Variants in PALD1 observed in about 807,000 individuals in gnomAD.
The protein encoded by PALD1 is phosphatase domain containing paladin 1, also known as paladin.
In PALD1, 57 loss-of-function variants were observed where a neutral mutation model predicts 96.0. The ratio of observed to expected loss-of-function variants is 0.59; its 90% confidence interval spans 0.48 to 0.74. The LOEUF (loss-of-function observed/expected upper bound fraction) is 0.74. Among genes scored for constraint, PALD1 ranks in the 30% least tolerant of loss-of-function variants. The pLI is 0.00. For missense variants in PALD1, 1,063 were observed against 1,143.7 expected (o/e 0.93, Z 1.02); for synonymous variants, 464 against 473.6 (o/e 0.98, Z 0.26).
chr10:70,504,064 C>T (rs1395486348), intron 1 of PALD1, among the ~76,000 whole-genome samples: 1 of 152,198 alleles, frequency 6.6e-6, no homozygotes, highest in Non-Finnish European at 1.5e-5. Context: ...GTGTCTGCAC[C>T]TGCAAAAATG....
intron 1 of PALD1, among the ~76,000 whole-genome samples, chr10:70,499,491 G>T (rs1846255007): frequency 6.6e-6 from 1 of 152,218 alleles, no homozygotes; most frequent in African/African-American, 2.4e-5. Context: ...GCTTGGCCTG[G>T]GGTGGCCACA....
intron 3 of PALD1, 89 bp downstream of exon 3, chr10:70,529,420 C>T: frequency 1.5e-6 from 1 of 673,574 alleles, no homozygotes. Flanking sequence ...TCTGGCCCTC[C>T]CCAACTTTCC....
At position 70,486,676 on chromosome 10, in the gene PALD1, G is replaced by C. The variant is rs567159374; in HGVS notation, c.-30+7617G>C. Among the ~76,000 whole-genome samples, 108 of 152,256 alleles carry C rather than the reference G, an allele frequency of 7.1e-4. 1 individual carries two copies. The highest frequency in any genetic ancestry group is 2.5e-3 in the African/African-American group (104 of 41,550). On this transcript the variant is annotated intron_variant, in intron 1 of 19. Transcript: ENST00000263563. Reference sequence around the variant, plus strand: ...CTCAGGAGGCTGAGACTGGAGAATAGCTTGAACCCAGGAGGCAGAGGTTGC... The same window carrying C: ...CTCAGGAGGCTGAGACTGGAGAATACCTTGAACCCAGGAGGCAGAGGTTGC...
intron 18 of PALD1, among the ~76,000 whole-genome samples, chr10:70,552,818 G>A (rs572927546): frequency 6.6e-6 from 1 of 152,300 alleles, no homozygotes; most frequent in South Asian, 2.1e-4. Flanking sequence ...GCTGGATCAG[G>A]ATCCAAACAA....
intron 1 of PALD1, among the ~76,000 whole-genome samples, chr10:70,502,031 G>T (rs1284194920): frequency 6.6e-6 from 1 of 152,072 alleles, no homozygotes; most frequent in Non-Finnish European, 1.5e-5. Flanking sequence ...AAGGACAGTG[G>T]CTCATGCCTG....
chr10:70,531,996 A>G (rs1161525018), intron 5 of PALD1, among the ~76,000 whole-genome samples: 2 of 149,658 alleles, frequency 1.3e-5, no homozygotes, highest in Non-Finnish European at 3.0e-5. Flanking sequence ...AAAAAAAAAG[A>G]AAAAGAAAAA....
chr10:70,561,426 A>G (rs1432693622), intron 18 of PALD1, among the ~76,000 whole-genome samples: 1 of 152,220 alleles, frequency 6.6e-6, no homozygotes, highest in African/African-American at 2.4e-5. Flanking sequence ...GGAAGGATAG[A>G]AGCAGCCTAA....
intron 1 of PALD1, among the ~76,000 whole-genome samples, chr10:70,507,452 T>G (rs1846414013): frequency 6.6e-6 from 1 of 152,042 alleles, no homozygotes; most frequent in Non-Finnish European, 1.5e-5. Flanking sequence ...AGAGACAGGG[T>G]CTTGCTCTGT....
intron 1 of PALD1, among the ~76,000 whole-genome samples, chr10:70,496,460 C>T (rs531603339): frequency 7.9e-5 from 12 of 152,230 alleles, no homozygotes; most frequent in Middle Eastern, 3.4e-3. Context: ...CTCTCCTGAC[C>T]GCCTTCCCAA....
chr10:70,468,327 T>C, the PALD1 span, among the ~76,000 whole-genome samples: 1 of 151,984 alleles, frequency 6.6e-6, no homozygotes, highest in Non-Finnish European at 1.5e-5. Flanking sequence ...CACTGCAACC[T>C]TCACCTCCCG....
At chr10:70,498,455 T>C (rs538277755) in intron 1 of PALD1, among the ~76,000 whole-genome samples, 1 of 152,258 alleles carries the variant, frequency 6.6e-6, no homozygotes, top group South Asian at 2.1e-4. Flanking sequence ...ATCTTTAAAA[T>C]TATTTTTTAT....
intron 1 of PALD1, among the ~76,000 whole-genome samples, chr10:70,488,174 T>G (rs1175459899): frequency 6.6e-6 from 1 of 152,174 alleles, no homozygotes; most frequent in Non-Finnish European, 1.5e-5. Context: ...CAGGCTGCAG[T>G]GAAGTGGCTC....
intron 18 of PALD1, among the ~76,000 whole-genome samples, chr10:70,560,595 G>A (rs1264437978): frequency 2.0e-5 from 3 of 151,776 alleles, no homozygotes; most frequent in East Asian, 1.9e-4. Flanking sequence ...AGACCCTGAC[G>A]CACGTGTTCT....
intron 2 of PALD1, among the ~76,000 whole-genome samples, chr10:70,527,862 T>C (rs1482308377): frequency 6.6e-6 from 1 of 152,194 alleles, no homozygotes; most frequent in Non-Finnish European, 1.5e-5. Context: ...ACATGTGCCA[T>C]GTTGGTGTGC....
chr10:70,531,249 G>A, intron 4 of PALD1, 41 bp from the exon 5 acceptor site: 2 of 1,579,610 alleles, frequency 1.3e-6, no homozygotes, highest in Non-Finnish European at 1.7e-6. Context: ...GTCTGTGCGG[G>A]ATCATGATGA....
Position 70,539,327 on chromosome 10 carries a change from C to A in PALD1, c.1725+80C>A. The stretch of plus-strand genomic sequence containing the variant: ...CTGGGAGGGTCTTCAGAAGGCCTCA[C>A]ACTCCCGCAGACAGATGGAGAATCT... On this transcript the variant is annotated intron_variant, in intron 14 of 19. Coordinates refer to ENST00000263563, the MANE Select transcript of PALD1 (RefSeq NM_014431.3). The surrounding 1 kb of genome is among the most constrained non-coding windows in gnomAD (Gnocchi z 4.5). 1.4e-6 allele frequency: 2 copies of A among 1,391,808 alleles called. No individual in the cohort carries two copies. The highest frequency in any genetic ancestry group is 2.5e-4 in the Middle Eastern group (1 of 3,986). The allele number at this position is 1,391,808 out of a possible 1,614,324, so 86.2% of individuals were successfully genotyped here.
chr10:70,528,522 G>A (rs1342092508), intron 2 of PALD1, among the ~76,000 whole-genome samples: 2 of 152,214 alleles, frequency 1.3e-5, no homozygotes, highest in African/African-American at 4.8e-5. Context: ...GGTGGGTGGA[G>A]TTGGGCTTCA....
Position 70,541,533 on chromosome 10 carries a change from A to T in PALD1, c.2120A>T (p.Gln707Leu), listed in dbSNP as rs764441178. Residue 707 changes from glutamine to leucine, a missense_variant and splice_region_variant, in exon 17 of 20, where the codon CAG (glutamine) becomes CTG (leucine). Physicochemically the swap from Gln to Leu is moderately radical, Grantham distance 113 (BLOSUM62 -2). Coordinates refer to ENST00000263563, the MANE Select transcript of PALD1 (RefSeq NM_014431.3). ...PDAKFTKGEF[Q>L]VVMKVVQLLP... ...GCCAAGTTCACTAAGGGTGAATTTC[A>T]GGTGAGCATGCCCTGCGGGGTCCCT... 2.5e-6 allele frequency: 4 copies of T among 1,611,510 alleles called. No homozygotes were observed. The highest frequency in any genetic ancestry group is 3.3e-5 in the Admixed American group (2 of 59,932).
chr10:70,470,570 A>ACT, the PALD1 span, among the ~76,000 whole-genome samples: 2 of 142,366 alleles, frequency 1.4e-5, no homozygotes, highest in East Asian at 3.9e-4. Context: ...TATAATAAAT[A>ACT]ATATTATTTT....
Sources: gnomAD v4.1 joint callset for allele counts (sites outside exome capture counted in the v4.1 genomes callset) on GRCh38, gnomAD v4.1.1 for gene constraint, Gnocchi (gnomAD v3.1) non-coding constraint, MANE v1.5 for transcripts, NCBI Gene and HGNC (gene_info 2026-07-23, HGNC 2026-07-21) for gene names.